Variants in NAALADL2 observed in about 807,000 individuals in gnomAD.
NAALADL2 encodes inactive N-acetylated-alpha-linked acidic dipeptidase-like protein 2.
NAALADL2 carries 76 observed loss-of-function variants against 87.2 expected under a neutral mutation model. The ratio of observed to expected loss-of-function variants is 0.87; its 90% CI spans 0.72 to 1.05. The LOEUF (loss-of-function observed/expected upper bound fraction) is 1.05, where lower values mean the gene tolerates loss of function less well. Among genes scored for constraint, NAALADL2 ranks in the 50% least tolerant of loss-of-function variants. The pLI, the probability that NAALADL2 is intolerant of heterozygous loss-of-function variation, is 0.00. For missense variants in NAALADL2, 1,089 were observed against 945.8 expected (o/e 1.15, Z -1.99); for synonymous variants, 354 against 331.0 (o/e 1.07, Z -0.75).
At chr3:174,799,347 T>C (rs9835438) in intron 3 of NAALADL2, among the ~76,000 whole-genome samples, 2,111 of 152,178 alleles carry the variant, frequency 0.014, 61 homozygotes, top group African/African-American at 0.049. Flanking sequence ...CCATGTGTTA[T>C]GGGAGGGACT....
chr3:175,117,351 A>G lies in NAALADL2; in HGVS notation c.545+20060A>G, dbSNP rs533865994. On this transcript the variant is annotated intron_variant, in intron 2 of 13. Coordinates refer to ENST00000454872, the MANE Select transcript of NAALADL2 (RefSeq NM_207015.3). ...ATCTAAAGAATGGGAGAAAATTTTTACAATCTACCCATCTGACAAAGGACT... is the reference window on the plus strand; with the variant it reads ...ATCTAAAGAATGGGAGAAAATTTTTGCAATCTACCCATCTGACAAAGGACT... Among the ~76,000 whole-genome samples the G allele has an allele frequency of 6.8e-4, 103 of 152,160 alleles. No individual in the cohort carries two copies. The Middle Eastern group carries it at 0.014, about 20-fold the overall frequency.
At chr3:174,563,607 T>C (rs1713889572) in intron 2 of NAALADL2, among the ~76,000 whole-genome samples, 2 of 151,928 alleles carry the variant, frequency 1.3e-5, no homozygotes, top group Admixed American at 6.6e-5. Context: ...TTTGTAGTAT[T>C]CTTATTATTA....
intron 1 of NAALADL2, among the ~76,000 whole-genome samples, chr3:174,934,015 T>C (rs1737297828): frequency 6.6e-6 from 1 of 152,204 alleles, no homozygotes; most frequent in Non-Finnish European, 1.5e-5. Context: ...AATATACATA[T>C]TAAGGATGAA....
At chr3:175,356,050 T>G (rs1764319885) in intron 5 of NAALADL2, among the ~76,000 whole-genome samples, 2 of 152,048 alleles carry the variant, frequency 1.3e-5, no homozygotes, top group African/African-American at 4.8e-5. Flanking sequence ...ACAAACAGTT[T>G]CAATAGGGAT....
At position 175,654,173 on chromosome 3, in the gene NAALADL2, C is replaced by T. The variant is rs557678036; in HGVS notation, c.1896+26787C>T. On this transcript the variant is annotated intron_variant, in intron 11 of 13. Coordinates refer to ENST00000454872, the MANE Select transcript of NAALADL2 (RefSeq NM_207015.3). ...CATTTGCATAAAACAGTACAGTTAGCGTATCGTTTCTTTCCTTATATTCTG... is the reference window on the plus strand; with the variant it reads ...CATTTGCATAAAACAGTACAGTTAGTGTATCGTTTCTTTCCTTATATTCTG... Among the ~76,000 whole-genome samples, 5 of 152,278 alleles carry T rather than the reference C, an allele frequency of 3.3e-5. No individual in the cohort carries two copies. The East Asian group carries it at 5.8e-4, about 18-fold the overall frequency.
At chr3:174,606,209 A>C (rs1719040232) in intron 2 of NAALADL2, among the ~76,000 whole-genome samples, 1 of 152,184 alleles carries the variant, frequency 6.6e-6, no homozygotes, top group South Asian at 2.1e-4. Flanking sequence ...ATAAAACCAC[A>C]AAGATGGGGA....
chr3:174,453,788 T>A (rs976771337), intron 1 of NAALADL2, among the ~76,000 whole-genome samples: 20 of 152,120 alleles, frequency 1.3e-4, no homozygotes, highest in Non-Finnish European at 2.2e-4. Context: ...GGAGAGACCA[T>A]TACCAGCCGC....
chr3:174,725,470 A>C (rs1732092866), intron 2 of NAALADL2, among the ~76,000 whole-genome samples: 1 of 152,148 alleles, frequency 6.6e-6, no homozygotes, highest in Admixed American at 6.6e-5. Context: ...TTCATACTGG[A>C]AAATTCCAAG....
intron 11 of NAALADL2, chr3:175,718,661 G>A: frequency 6.3e-7 from 1 of 1,576,100 alleles, no homozygotes; most frequent in South Asian, 1.1e-5. Context: ...GCCCGTGGTG[G>A]CTGCCATCTT....
intron 5 of NAALADL2, among the ~76,000 whole-genome samples, chr3:175,359,347 T>C (rs1764725416): frequency 6.6e-6 from 1 of 152,218 alleles, no homozygotes; most frequent in Non-Finnish European, 1.5e-5. Context: ...TTTTCCAAGA[T>C]CATATTAGAG....
chr3:174,905,217 G>A (rs1453975365), intron 1 of NAALADL2, among the ~76,000 whole-genome samples: 3 of 150,020 alleles, frequency 2.0e-5, no homozygotes, highest in Non-Finnish European at 4.5e-5. Context: ...TGACAAGATC[G>A]AAACCTATTC....
At chr3:175,036,804 CTTTTT>C (rs10662446) in intron 1 of NAALADL2, among the ~76,000 whole-genome samples, 4 of 117,358 alleles carry the variant, frequency 3.4e-5, no homozygotes, top group Admixed American at 9.1e-5. Context: ...TCCATCTGTT[CTTTTT>C]TTTTTTTTTT....
At chr3:175,757,571 C>G (rs1747431415) in intron 13 of NAALADL2, among the ~76,000 whole-genome samples, 1 of 152,034 alleles carries the variant, frequency 6.6e-6, no homozygotes, top group African/African-American at 2.4e-5. Flanking sequence ...AAAATCCATA[C>G]TTTACGTAAT....
At chr3:175,053,593 C>T (rs1308306799) in intron 1 of NAALADL2, among the ~76,000 whole-genome samples, 1 of 152,200 alleles carries the variant, frequency 6.6e-6, no homozygotes, top group African/African-American at 2.4e-5. Flanking sequence ...CCTGGAGAAA[C>T]ACAAGCATAA....
At chr3:175,173,948 G>A (rs1203464338) in intron 2 of NAALADL2, among the ~76,000 whole-genome samples, 1 of 125,732 alleles carries the variant, frequency 8.0e-6, no homozygotes, top group South Asian at 3.0e-4. Flanking sequence ...TGCTTTTAAG[G>A]ATGATTCTTC....
chr3:175,120,879 C>A (rs544197522), intron 2 of NAALADL2, among the ~76,000 whole-genome samples: 1 of 151,740 alleles, frequency 6.6e-6, no homozygotes, highest in African/African-American at 2.4e-5. Context: ...TAGAACAAGA[C>A]TAATTTGGGC....
At chr3:174,520,104 T>G in intron 1 of NAALADL2, among the ~76,000 whole-genome samples, 1 of 152,176 alleles carries the variant, frequency 6.6e-6, no homozygotes, top group East Asian at 1.9e-4. Context: ...GCTCATGAAT[T>G]GGAAGAATCA....
intron 1 of NAALADL2, 130 bp from the exon 2 acceptor site, chr3:175,096,660 A>G (rs1721213888): frequency 4.4e-6 from 2 of 455,684 alleles, no homozygotes; most frequent in Non-Finnish European, 3.7e-6. Context: ...ATGAGTTTCT[A>G]TAGGGAGAAT....
intron 1 of NAALADL2, among the ~76,000 whole-genome samples, chr3:174,946,130 T>C (rs2108491900): frequency 6.6e-6 from 1 of 152,070 alleles, no homozygotes; most frequent in African/African-American, 2.4e-5. Flanking sequence ...CTCTTGTTTA[T>C]TTCTCTATAT....
Sources: gnomAD v4.1 joint callset for allele counts (sites outside exome capture counted in the v4.1 genomes callset) on GRCh38, gnomAD v4.1.1 for gene constraint, MANE v1.5 for transcripts, NCBI Gene and HGNC (gene_info 2026-07-23, HGNC 2026-07-21) for gene names.